Variants in UBE2Z observed in about 807,000 individuals in gnomAD.
UBE2Z encodes ubiquitin conjugating enzyme E2 Z.
UBE2Z carries 10 observed loss-of-function variants against 32.6 expected under a neutral mutation model. That is an observed-to-expected ratio of 0.31 (90% CI 0.19 to 0.52). The LOEUF (loss-of-function observed/expected upper bound fraction) is 0.52. Ranked by LOEUF, UBE2Z falls within the 20% of genes least tolerant of loss-of-function variation. The pLI is 0.97. For synonymous variants in UBE2Z, 183 were observed against 190.8 expected (o/e 0.96, Z 0.34); for missense variants, 343 against 480.9 (o/e 0.71, Z 2.68).
rs542960145 is a variant in UBE2Z, at chr17:48,927,533, G to A, written c.*399G>A. 4.1e-4 allele frequency: 70 copies of A among 171,498 alleles called. 1 individual carries two copies. In the South Asian group the frequency reaches 0.01, roughly 25 times the overall value. The allele number at this position is 171,498 out of a possible 1,614,324, so 10.6% of individuals were successfully genotyped here. On this transcript the variant is annotated 3_prime_UTR_variant, in exon 7 of 7. Transcript: ENST00000360943. Reference sequence around the variant, plus strand: ...ATGATTTATGGGGATACCTGGAAGGGAGCTTGGGGTGGGGGCTGTCTGTGA... The same window carrying A: ...ATGATTTATGGGGATACCTGGAAGGAAGCTTGGGGTGGGGGCTGTCTGTGA...
intron 6 of UBE2Z, among the ~76,000 whole-genome samples, chr17:48,925,925 G>A (rs1382487599): frequency 6.6e-6 from 1 of 152,226 alleles, no homozygotes; most frequent in Non-Finnish European, 1.5e-5. Flanking sequence ...CAATGTGAGA[G>A]GGAAAGTTGT....
Position 48,912,962 on chromosome 17 carries a change from C to T in UBE2Z, c.519C>T (p.Asn173=). 1 of 1,613,946 alleles carries T rather than the reference C, an allele frequency of 6.2e-7. No homozygotes were observed. The highest frequency in any genetic ancestry group is 8.5e-7 in the Non-Finnish European group (1 of 1,179,886). ...TCAAACTGATGACAACGGGCAATAA[C>T]ACAGTGAGGTTTAACCCCAACTTCT... The part of the protein sequence containing the change: ...PRVKLMTTGN[N]TVRFNPNFYR... The change falls in exon 3 of 7, where the codon AAC becomes AAT. Residue 173 remains asparagine, a synonymous_variant. Coordinates refer to ENST00000360943, the MANE Select transcript of UBE2Z (RefSeq NM_023079.5).
At chr17:48,919,670 A>G (rs1280950671) in intron 4 of UBE2Z, among the ~76,000 whole-genome samples, 1 of 152,058 alleles carries the variant, frequency 6.6e-6, no homozygotes, top group African/African-American at 2.4e-5. Flanking sequence ...TAGAGACGGG[A>G]TCTCACCATG....
At chr17:48,915,174 CAG>C (rs1009587647) in intron 3 of UBE2Z, among the ~76,000 whole-genome samples, 1 of 152,028 alleles carries the variant, frequency 6.6e-6, no homozygotes, top group African/African-American at 2.4e-5. Flanking sequence ...TGTAAAGCTT[CAG>C]AGAGCAGTAG....
chr17:48,909,654 C>T (rs930411815), intron 1 of UBE2Z, among the ~76,000 whole-genome samples: 16 of 150,576 alleles, frequency 1.1e-4, no homozygotes, highest in African/African-American at 3.9e-4. Flanking sequence ...TCTTGGGTGA[C>T]TGATCTTAGA....
chr17:48,928,339 GA>G lies in UBE2Z; in HGVS notation c.*1216del, dbSNP rs201929916. The G allele has an allele frequency of 5.8e-4, 85 of 147,554 alleles. No individual in the cohort carries two copies. The highest frequency in any genetic ancestry group is 3.5e-3 in the Middle Eastern group (1 of 288). 9.1% of individuals were successfully genotyped at this position (147,554 alleles called of 1,614,324 possible). On this transcript the variant is annotated 3_prime_UTR_variant, in exon 7 of 7. Transcript: ENST00000360943. ...AGTGATCCTTTAGCTGGTTGGCTCAGAAAAAAAAAAATGTGCTTTAGGTGCC... is the reference window on the plus strand; with the variant it reads ...AGTGATCCTTTAGCTGGTTGGCTCAGAAAAAAAAAATGTGCTTTAGGTGCC...
rs2040802978 is a variant in UBE2Z at position 48,926,982 on chromosome 17, C to T, written c.913C>T (p.Arg305Trp). Residue 305 changes from arginine to tryptophan, a missense_variant, in exon 7 of 7, where the codon CGG (arginine) becomes TGG (tryptophan). By Grantham distance (101) the Arg-to-Trp change is moderately radical. Around this residue, in one of 4 missense-constraint regions of UBE2Z, gnomAD observed 182 missense variants for 312.4 expected, o/e 0.58. Coordinates refer to ENST00000360943, the MANE Select transcript of UBE2Z (RefSeq NM_023079.5). ...CCCACAGGACCCTTTTGGAGAGAAG[C>T]GGGGCCACTTTGACTACCAGTCCCT... Reference protein sequence around the residue: ...QTMQDPFGEKRGHFDYQSLLM... With the variant: ...QTMQDPFGEKWGHFDYQSLLM... The T allele has an allele frequency of 1.9e-6, 3 of 1,612,784 alleles. No individual in the cohort carries two copies. Among genetic ancestry groups the T allele is most frequent in the Non-Finnish European group, 2.5e-6 (3 of 1,179,602 alleles).
At position 48,908,675 on chromosome 17, in the gene UBE2Z, C is replaced by G; in HGVS notation, c.172C>G (p.Pro58Ala). Residue 58 changes from proline (P) to alanine (A), a missense_variant, in exon 1 of 7, where the codon CCG (proline) becomes GCG (alanine). This residue lies in a region of UBE2Z where 103 missense variants were observed against 96.2 expected (regional missense o/e 1.07). Transcript: ENST00000360943. ...GGCGGCAGCGGGCGGGGCCGGGGGC[C>G]CGGGGAGCGGCCTGGCTCCGCTGCC... The part of the protein sequence containing the change: ...AAAAAGGAGG[P>A]GSGLAPLPGL... 8.1e-7 allele frequency: 1 copy of G among 1,227,134 alleles called. No homozygotes were observed. Among genetic ancestry groups the G allele is most frequent in the Non-Finnish European group, 1.0e-6 (1 of 985,288 alleles). 76.0% of individuals were successfully genotyped at this position (1,227,134 alleles called of 1,614,324 possible). A position where few individuals can be genotyped will look rare whatever the true frequency, so the allele number is the denominator to read the frequency against.
At position 48,915,870 on chromosome 17, in the gene UBE2Z, C is replaced by CCCG. The variant is rs532234694; in HGVS notation, c.579-204_579-203insGCC. The stretch of plus-strand genomic sequence containing the variant: ...TTGCTATTACCTGTTCTTTTGCCCC[C>CCCG]CCCCCTTGATTTGAGGATTAGGCAA... On this transcript the variant is annotated intron_variant, in intron 3 of 6. Transcript: ENST00000360943. 7.7e-4 allele frequency: 256 copies of CCCG among 333,078 alleles called. 7 individuals are homozygous for CCCG. The East Asian group carries it at 0.01, about 14-fold the overall frequency. 20.6% of individuals were successfully genotyped at this position (333,078 alleles called of 1,614,324 possible).
intron 4 of UBE2Z, among the ~76,000 whole-genome samples, 196 bp downstream of exon 4, chr17:48,916,383 G>C (rs554602823): frequency 6.7e-6 from 1 of 150,366 alleles, no homozygotes; most frequent in Non-Finnish European, 1.5e-5. Context: ...CTCCCAAGTA[G>C]CTGGGACTAC....
At chr17:48,921,338 A>G in intron 5 of UBE2Z, 66 bp downstream of exon 5, 1 of 1,259,232 alleles carries the variant, frequency 7.9e-7, no homozygotes, top group Non-Finnish European at 1.1e-6. Flanking sequence ...TCTTTGGGGC[A>G]GAGTACAGTG....
At chr17:48,921,057 T>C in intron 4 of UBE2Z, 103 bp from the exon 5 acceptor site, 5 of 876,020 alleles carry the variant, frequency 5.7e-6, no homozygotes, top group Middle Eastern at 2.2e-4. Context: ...TCTTTTTAGT[T>C]TGTGTGACTG....
At chr17:48,911,220 A>C (rs950724923) in intron 2 of UBE2Z, 1 of 254,370 alleles carries the variant, frequency 3.9e-6, no homozygotes, top group East Asian at 8.1e-5. Flanking sequence ...TGTACTACCC[A>C]GCTCTTCCCC....
At chr17:48,909,136 T>C (rs1318547394) in intron 1 of UBE2Z, among the ~76,000 whole-genome samples, 1 of 114,974 alleles carries the variant, frequency 8.7e-6, no homozygotes, top group East Asian at 2.9e-4. Context: ...AACCCGACCC[T>C]TTAGCGCTTC....
At chr17:48,914,747 G>C (rs1248962451) in intron 3 of UBE2Z, among the ~76,000 whole-genome samples, 1 of 152,084 alleles carries the variant, frequency 6.6e-6, no homozygotes. Flanking sequence ...AATTTCAGCC[G>C]GGTGCGGTGG....
chr17:48,908,464 G>A lies in UBE2Z; in HGVS notation c.-40G>A. 1 of 1,228,378 alleles carries A rather than the reference G, an allele frequency of 8.1e-7. No individual in the cohort carries two copies. The highest frequency in any genetic ancestry group is 1.0e-6 in the Non-Finnish European group (1 of 985,318). The allele number at this position is 1,228,378 out of a possible 1,614,324, so 76.1% of individuals were successfully genotyped here. ...GGCGGGAGCAGCGGCCGCTCTGGTC[G>A]GCGGACGTGCTGCCGAGTAGTCCCG... On this transcript the variant is annotated 5_prime_UTR_variant, in exon 1 of 7. Coordinates refer to ENST00000360943, the MANE Select transcript of UBE2Z (RefSeq NM_023079.5).
In UBE2Z at chr17:48,915,800, G is replaced by A. The variant is rs76670849; in HGVS notation, c.579-276G>A. 4.7e-3 allele frequency: 1,658 copies of A among 349,684 alleles called. 26 individuals carry two copies. Among genetic ancestry groups the A allele is most frequent in the African/African-American group, 0.034 (1,547 of 45,552 alleles). 21.7% of individuals were successfully genotyped at this position (349,684 alleles called of 1,614,324 possible). A position where few individuals can be genotyped will look rare whatever the true frequency, so the allele number is the denominator to read the frequency against. On this transcript the variant is annotated intron_variant, in intron 3 of 6. Transcript: ENST00000360943. Reference sequence around the variant, plus strand: ...CCTAATTTCTTTTGTTTTGATTGTCGTAACTGTTTCTAGTACAAAGAAAAT... The same window carrying A: ...CCTAATTTCTTTTGTTTTGATTGTCATAACTGTTTCTAGTACAAAGAAAAT...
At chr17:48,924,103 TCC>T (rs2040781531) in intron 6 of UBE2Z, among the ~76,000 whole-genome samples, 1 of 152,072 alleles carries the variant, frequency 6.6e-6, no homozygotes, top group Non-Finnish European at 1.5e-5. Context: ...GTGATCTACC[TCC>T]CTCGGCCTCC....
intron 3 of UBE2Z, chr17:48,915,806 G>A: frequency 5.4e-6 from 2 of 371,438 alleles, no homozygotes; most frequent in Non-Finnish European, 9.6e-6. Context: ...TGTCGTAACT[G>A]TTTCTAGTAC....
Sources: gnomAD v4.1 joint callset for allele counts (sites outside exome capture counted in the v4.1 genomes callset) on GRCh38, gnomAD v4.1.1 for gene constraint, gnomAD v4.1.1 regional missense constraint, MANE v1.5 for transcripts, NCBI Gene and HGNC (gene_info 2026-07-23, HGNC 2026-07-21) for gene names.